Variants in PRKG1 observed in about 807,000 individuals in gnomAD.
The protein encoded by PRKG1 is protein kinase cGMP-dependent 1.
In PRKG1, 35 loss-of-function variants were observed where a neutral mutation model predicts 88.1. The ratio of observed to expected loss-of-function variants is 0.40; its 90% confidence interval spans 0.30 to 0.53. The LOEUF is 0.53. PRKG1 is among the 20% of genes least tolerant of loss of function. PRKG1 has a pLI of 0.59. For missense variants in PRKG1, 540 were observed against 839.8 expected (o/e 0.64, Z 4.41); for synonymous variants, 303 against 292.5 (o/e 1.04, Z -0.37).
chr10:51,366,830 T>G (rs1010864749), intron 2 of PRKG1, among the ~76,000 whole-genome samples: 2 of 151,922 alleles, frequency 1.3e-5, no homozygotes, highest in African/African-American at 4.8e-5. Flanking sequence ...TAACAGAAAA[T>G]AGAAAGTAAT....
At chr10:52,161,998 A>G in intron 9 of PRKG1, 35 bp downstream of exon 9, 1 of 1,529,410 alleles carries the variant, frequency 6.5e-7, no homozygotes, top group South Asian at 1.1e-5. Flanking sequence ...TGATTGCAAA[A>G]TGATTTTGAA....
At chr10:51,877,628 T>C (rs1014884352) in intron 4 of PRKG1, among the ~76,000 whole-genome samples, 1 of 152,196 alleles carries the variant, frequency 6.6e-6, no homozygotes, top group African/African-American at 2.4e-5. Flanking sequence ...ATCACTGGCC[T>C]ATAACCACCG....
At chr10:51,103,733 T>A (rs1844744486) in intron 1 of PRKG1, among the ~76,000 whole-genome samples, 1 of 152,158 alleles carries the variant, frequency 6.6e-6, no homozygotes, top group Non-Finnish European at 1.5e-5. Context: ...TGATCCTGAC[T>A]GAAGCAAAGC....
chr10:51,623,418 T>A (rs1449152116), intron 3 of PRKG1, among the ~76,000 whole-genome samples: 1 of 152,114 alleles, frequency 6.6e-6, no homozygotes, highest in Non-Finnish European at 1.5e-5. Flanking sequence ...CTCAGTCTGG[T>A]CTCAAACTCC....
intron 8 of PRKG1, among the ~76,000 whole-genome samples, chr10:52,150,183 A>AATAATTATTATTATT (rs1554810290): frequency 1.4e-5 from 2 of 147,976 alleles, no homozygotes; most frequent in African/African-American, 5.0e-5. Flanking sequence ...TAATAATAAT[A>AATAATTATTATTATT]ATTTGATTGG....
chr10:51,461,305 T>G (rs1207933248), intron 2 of PRKG1, among the ~76,000 whole-genome samples: 1 of 152,188 alleles, frequency 6.6e-6, no homozygotes, highest in Non-Finnish European at 1.5e-5. Flanking sequence ...CCTGTAAGAA[T>G]TATTTCTATG....
At chr10:51,840,227 A>G (rs1840236374) in intron 4 of PRKG1, among the ~76,000 whole-genome samples, 1 of 152,210 alleles carries the variant, frequency 6.6e-6, no homozygotes, top group South Asian at 2.1e-4. Flanking sequence ...GGTATTCATA[A>G]TAAGGCATCT....
rs762105037 is a variant in PRKG1, at chr10:51,410,238, A to ATGTGTGTG, written c.479-57471_479-57464dup. On this transcript the variant is annotated intron_variant, in intron 2 of 17. Coordinates refer to ENST00000373980, the MANE Select transcript of PRKG1 (RefSeq NM_006258.4). ...TTTACATATATATATGTGTGTGTGT[A>ATGTGTGTG]TGTGTGTGTGTGTGTGTGTGTATAT... Among the ~76,000 whole-genome samples, 118 of 143,768 alleles carry ATGTGTGTG rather than the reference A, an allele frequency of 8.2e-4. 1 individual carries two copies. The highest frequency in any genetic ancestry group is 2.9e-3 in the African/African-American group (113 of 38,486). The allele number at this position is 143,768 out of a possible 152,430, so 94.3% of individuals were successfully genotyped here.
At chr10:51,154,093 G>A (rs1214503936) in intron 2 of PRKG1, among the ~76,000 whole-genome samples, 1 of 151,946 alleles carries the variant, frequency 6.6e-6, no homozygotes, top group Non-Finnish European at 1.5e-5. Flanking sequence ...AGTTTCTTAG[G>A]TGGTGATTAA....
chr10:51,826,008 G>A (rs1488762694), intron 4 of PRKG1, among the ~76,000 whole-genome samples: 1 of 152,144 alleles, frequency 6.6e-6, no homozygotes, highest in East Asian at 1.9e-4. Flanking sequence ...GCCCATTCAT[G>A]GGTACAATAC....
At chr10:51,560,228 G>A (rs557026365) in intron 3 of PRKG1, among the ~76,000 whole-genome samples, 2 of 152,136 alleles carry the variant, frequency 1.3e-5, no homozygotes, top group Non-Finnish European at 2.9e-5. Flanking sequence ...CTGTGCAAAA[G>A]CACAAAGGAC....
chr10:51,894,327 T>G (rs1310982023), intron 4 of PRKG1, among the ~76,000 whole-genome samples: 1 of 152,140 alleles, frequency 6.6e-6, no homozygotes, highest in Non-Finnish European at 1.5e-5. Flanking sequence ...GGACAAATAT[T>G]GTGATTCTAC....
At chr10:51,464,227 G>A (rs1046338471) in intron 2 of PRKG1, among the ~76,000 whole-genome samples, 4 of 152,010 alleles carry the variant, frequency 2.6e-5, no homozygotes, top group South Asian at 2.1e-4. Flanking sequence ...GGCAGAGTTT[G>A]CCGTGAGCCA....
At chr10:51,454,043 G>A (rs551653520) in intron 2 of PRKG1, among the ~76,000 whole-genome samples, 1 of 152,132 alleles carries the variant, frequency 6.6e-6, no homozygotes, top group Non-Finnish European at 1.5e-5. Flanking sequence ...AACCAAAGAG[G>A]TGAAAGATCT....
chr10:51,261,594 T>C (rs531341117), intron 2 of PRKG1, among the ~76,000 whole-genome samples: 1 of 152,194 alleles, frequency 6.6e-6, no homozygotes, highest in Non-Finnish European at 1.5e-5. Flanking sequence ...CAGGTAAAGA[T>C]CAAGTTTTGT....
intron 2 of PRKG1, among the ~76,000 whole-genome samples, chr10:51,209,512 G>A (rs1838156866): frequency 6.6e-6 from 1 of 152,126 alleles, no homozygotes; most frequent in South Asian, 2.1e-4. Flanking sequence ...AGACAGTGTT[G>A]ATTGTCCTAT....
intron 3 of PRKG1, among the ~76,000 whole-genome samples, chr10:51,703,965 T>C (rs1293153761): frequency 6.6e-6 from 1 of 151,768 alleles, no homozygotes; most frequent in East Asian, 1.9e-4. Context: ...GGTGAAATGG[T>C]GAAACCCCGT....
At chr10:52,079,508 G>C (rs76866752) in intron 7 of PRKG1, among the ~76,000 whole-genome samples, 1 of 152,094 alleles carries the variant, frequency 6.6e-6, no homozygotes, top group Non-Finnish European at 1.5e-5. Flanking sequence ...CCTGAGACTC[G>C]TGACTTCTGT....
intron 3 of PRKG1, among the ~76,000 whole-genome samples, chr10:51,538,041 T>C (rs910262059): frequency 2.6e-5 from 4 of 152,150 alleles, no homozygotes; most frequent in Non-Finnish European, 5.9e-5. Flanking sequence ...AAATTATGTA[T>C]CTACTAGTAA....
Sources: allele counts gnomAD v4.1 joint callset (sites outside exome capture counted in the v4.1 genomes callset), GRCh38; gene constraint gnomAD v4.1.1; transcripts MANE v1.5; gene names NCBI Gene and HGNC (gene_info 2026-07-23, HGNC 2026-07-21).